The following RORA variants were observed in gnomAD, a reference collection of about 807,000 sequenced individuals.
RORA encodes the protein nuclear receptor ROR-alpha.
RORA carries 7 observed loss-of-function variants against 69.5 expected under a neutral mutation model. That is an observed-to-expected ratio of 0.10 (90% CI 0.06 to 0.19). RORA has a LOEUF of 0.19. Among genes scored for constraint, RORA ranks in the 10% least tolerant of loss-of-function variants. The pLI is 1.00. For missense variants in RORA, 457 were observed against 663.0 expected (o/e 0.69, Z 3.41); for synonymous variants, 261 against 240.8 (o/e 1.08, Z -0.78).
chr15:60,832,106 C>A (rs1420515938), intron 1 of RORA, among the ~76,000 whole-genome samples: 1 of 152,200 alleles, frequency 6.6e-6, no homozygotes, highest in East Asian at 1.9e-4. Context: ...TATCTATTAT[C>A]CCCTTCTTCC....
At chr15:60,733,519 C>A (rs1440227170) in intron 1 of RORA, among the ~76,000 whole-genome samples, 1 of 152,066 alleles carries the variant, frequency 6.6e-6, no homozygotes, top group Admixed American at 6.6e-5. Context: ...AATTAAAATG[C>A]AAATATTAAT....
chr15:60,823,609 T>C (rs139091899), intron 1 of RORA, among the ~76,000 whole-genome samples: 21 of 152,346 alleles, frequency 1.4e-4, no homozygotes, highest in African/African-American at 4.8e-4. Context: ...TCTGAATTTT[T>C]CATTTTTTGG....
At chr15:60,650,975 G>A (rs537603115) in intron 2 of RORA, among the ~76,000 whole-genome samples, 12 of 152,134 alleles carry the variant, frequency 7.9e-5, no homozygotes, top group Admixed American at 2.0e-4. Context: ...ATTCAAACCC[G>A]GGTCCTTTTG....
intron 1 of RORA, among the ~76,000 whole-genome samples, chr15:60,946,608 C>T (rs889140434): frequency 1.3e-5 from 2 of 152,210 alleles, no homozygotes; most frequent in Non-Finnish European, 2.9e-5. Flanking sequence ...GGCGTGATCT[C>T]GGGTAGCTAC....
At chr15:60,901,481 G>A (rs1891391514) in intron 1 of RORA, among the ~76,000 whole-genome samples, 1 of 152,156 alleles carries the variant, frequency 6.6e-6, no homozygotes, top group Non-Finnish European at 1.5e-5. Context: ...GATTCATGAT[G>A]TTCCTAATGG....
At chr15:60,546,679 A>G (rs2067079474) in intron 2 of RORA, among the ~76,000 whole-genome samples, 1 of 152,190 alleles carries the variant, frequency 6.6e-6, no homozygotes, top group Non-Finnish European at 1.5e-5. Flanking sequence ...TTTACATCCA[A>G]TTCCCCAGCA....
intron 1 of RORA, among the ~76,000 whole-genome samples, chr15:60,855,765 C>A (rs902292383): frequency 6.6e-6 from 1 of 152,052 alleles, no homozygotes; most frequent in Non-Finnish European, 1.5e-5. Flanking sequence ...CACAGGCGCC[C>A]GCCACCACTC....
At chr15:60,643,621 C>T (rs970294283) in intron 2 of RORA, among the ~76,000 whole-genome samples, 6 of 152,194 alleles carry the variant, frequency 3.9e-5, no homozygotes, top group Non-Finnish European at 8.8e-5. Flanking sequence ...GCAGGGGTGG[C>T]TTATAACTCC....
chr15:61,009,677 A>T (rs569563355), intron 1 of RORA, among the ~76,000 whole-genome samples: 1 of 152,368 alleles, frequency 6.6e-6, no homozygotes, highest in African/African-American at 2.4e-5. Context: ...CAGAATCAAG[A>T]TCACTTAACA....
intron 1 of RORA, among the ~76,000 whole-genome samples, chr15:60,815,358 C>T (rs1286866170): frequency 2.6e-5 from 4 of 152,056 alleles, no homozygotes; most frequent in African/African-American, 9.7e-5. Context: ...GGGAGCATTG[C>T]CTGGTGATTA....
intron 1 of RORA, among the ~76,000 whole-genome samples, chr15:60,997,919 T>C (rs930530767): frequency 6.6e-6 from 1 of 152,170 alleles, no homozygotes; most frequent in African/African-American, 2.4e-5. Flanking sequence ...AATCAAAACA[T>C]AATACTCTTG....
Position 60,851,618 on chromosome 15 carries a change from C to T in RORA, c.167-172932G>A, listed in dbSNP as rs77383217. Among the ~76,000 whole-genome samples, 1,117 of 152,170 alleles carry T rather than the reference C, an allele frequency of 7.3e-3. 15 individuals are homozygous for T. Among genetic ancestry groups the T allele is most frequent in the African/African-American group, 0.025 (1,045 of 41,500 alleles). On this transcript the variant is annotated intron_variant, in intron 1 of 10. Coordinates refer to ENST00000335670, the MANE Select transcript of RORA (RefSeq NM_134261.3). ...GGAAGGAGGTAAACCTTGGCACTTG[C>T]TTCCTTTTGCCATGTAAATCTTGGC...
Position 60,538,015 on chromosome 15 carries a change from TATC to T in RORA, c.197-6167_197-6165del. On this transcript the variant is annotated intron_variant, in intron 2 of 10. Coordinates refer to ENST00000335670, the MANE Select transcript of RORA (RefSeq NM_134261.3). ...ATCCCTAAAGGAGGCAGATAGGTAT[TATC>T]ATCCCCATTTTACAGATACGGAAAA... 1.3e-5 allele frequency among the ~76,000 whole-genome samples: 2 copies of T among 152,174 alleles called. 1 individual carries two copies. The highest frequency in any genetic ancestry group is 2.9e-5 in the Non-Finnish European group (2 of 68,022).
chr15:60,826,537 T>G (rs1031193129), intron 1 of RORA, among the ~76,000 whole-genome samples: 1 of 152,170 alleles, frequency 6.6e-6, no homozygotes, highest in African/African-American at 2.4e-5. Context: ...GGCGCTACAC[T>G]TTTTTTAAGC....
chr15:60,637,046 G>T (rs186203141), intron 2 of RORA, among the ~76,000 whole-genome samples: 2 of 151,726 alleles, frequency 1.3e-5, no homozygotes, highest in Non-Finnish European at 2.9e-5. Context: ...CATGGTTTTT[G>T]TGTGCATTAA....
intron 1 of RORA, among the ~76,000 whole-genome samples, chr15:60,760,889 C>A (rs1057387614): frequency 1.3e-5 from 2 of 151,902 alleles, no homozygotes; most frequent in Non-Finnish European, 2.9e-5. Flanking sequence ...CATACAGGTG[C>A]CTGATATTTG....
At chr15:60,874,462 T>A (rs980491242) in intron 1 of RORA, among the ~76,000 whole-genome samples, 71 of 152,292 alleles carry the variant, frequency 4.7e-4, no homozygotes, top group African/African-American at 1.5e-3. Flanking sequence ...TTTAGTTTTG[T>A]GCCAAGACTG....
chr15:60,746,555 A>T (rs1041294273), intron 1 of RORA, among the ~76,000 whole-genome samples: 4 of 152,226 alleles, frequency 2.6e-5, no homozygotes, highest in African/African-American at 9.7e-5. Flanking sequence ...GTGATCAATG[A>T]TGCAGACTCC....
In RORA at chr15:61,209,199, T is replaced by A. The variant is rs374894905; in HGVS notation, c.166+19854A>T. Among the ~76,000 whole-genome samples, 28 of 152,022 alleles carry A rather than the reference T, an allele frequency of 1.8e-4. No homozygotes were observed. In the East Asian group the frequency reaches 5.0e-3, roughly 27 times the overall value. ...CTTTCTAATAGAAATGTAAAATAGA[T>A]CTTTATTTGCCACAAAATTAAAATG... is the stretch of plus-strand genomic sequence containing the variant. On this transcript the variant is annotated intron_variant, in intron 1 of 10. Coordinates refer to ENST00000335670, the MANE Select transcript of RORA (RefSeq NM_134261.3).
Sources: allele counts gnomAD v4.1 joint callset (sites outside exome capture counted in the v4.1 genomes callset), GRCh38; gene constraint gnomAD v4.1.1; transcripts MANE v1.5; gene names NCBI Gene and HGNC (gene_info 2026-07-23, HGNC 2026-07-21).